AKAP19: variants seen among roughly 807,000 people sequenced by gnomAD.
AKAP19 encodes A-kinase anchoring protein 19.
At chr2:189,998,771 C>CTTTTTTTTTTTT in the AKAP19 span, among the ~76,000 whole-genome samples, 21 of 97,542 alleles carry the variant, frequency 2.2e-4, no homozygotes, top group East Asian at 3.2e-4. Context: ...TTCTTTCTTT[C>CTTTTTTTTTTTT]TTTTTTTTTT....
the AKAP19 span, among the ~76,000 whole-genome samples, chr2:190,111,340 T>C: frequency 1.3e-5 from 2 of 152,174 alleles, no homozygotes; most frequent in Non-Finnish European, 2.9e-5. Context: ...GTCCCAATAC[T>C]GGGACTCAGT....
chr2:190,036,350 A>C, the AKAP19 span, among the ~76,000 whole-genome samples: 1 of 152,224 alleles, frequency 6.6e-6, no homozygotes, highest in African/African-American at 2.4e-5. Flanking sequence ...GTTTAGATTT[A>C]GGAAAGTCAG....
At chr2:190,132,097 C>A in the AKAP19 span, among the ~76,000 whole-genome samples, 2 of 151,694 alleles carry the variant, frequency 1.3e-5, no homozygotes, top group African/African-American at 4.8e-5. Context: ...AGAAATTTAA[C>A]CAAAGAGGTG....
the AKAP19 span, among the ~76,000 whole-genome samples, chr2:190,104,526 C>A: frequency 6.6e-6 from 1 of 152,154 alleles, no homozygotes. Context: ...CACAGTGTGT[C>A]ACATTTGTAA....
At chr2:190,149,786 A>G in the AKAP19 span, among the ~76,000 whole-genome samples, 4 of 152,130 alleles carry the variant, frequency 2.6e-5, no homozygotes, top group African/African-American at 4.8e-5. Flanking sequence ...TAGAATGTAT[A>G]TTCTGCAGTT....
chr2:190,079,938 CTCTT>C, the AKAP19 span: 1 of 152,120 alleles, frequency 6.6e-6, no homozygotes, highest in Admixed American at 6.6e-5. Flanking sequence ...TCTCATCCTT[CTCTT>C]TCTTGTTGTA....
the AKAP19 span, among the ~76,000 whole-genome samples, chr2:189,915,551 A>AT: frequency 6.6e-6 from 1 of 151,890 alleles, no homozygotes; most frequent in Admixed American, 6.6e-5. Context: ...TGTCAATTTG[A>AT]TTTTTTTTCT....
chr2:190,134,169 G>T, the AKAP19 span, among the ~76,000 whole-genome samples: 1 of 152,104 alleles, frequency 6.6e-6, no homozygotes, highest in African/African-American at 2.4e-5. Context: ...TGAAACCCAT[G>T]AGCTAAAAAC....
the AKAP19 span, among the ~76,000 whole-genome samples, chr2:190,051,675 T>C: frequency 2.0e-5 from 3 of 152,318 alleles, no homozygotes; most frequent in South Asian, 6.2e-4. Flanking sequence ...GAATTCTGTC[T>C]GGTGCTGTAA....
the AKAP19 span, among the ~76,000 whole-genome samples, chr2:190,018,612 T>C: frequency 1.3e-5 from 2 of 152,246 alleles, no homozygotes; most frequent in South Asian, 4.1e-4. Context: ...TATTCTGAAC[T>C]CTTTATCAGT....
chr2:189,944,057 T>C, the AKAP19 span, among the ~76,000 whole-genome samples: 4 of 152,278 alleles, frequency 2.6e-5, no homozygotes, highest in South Asian at 2.1e-4. Flanking sequence ...TAGGGGACTA[T>C]TGGGAATGCA....
At chr2:189,903,604 T>C in the AKAP19 span, among the ~76,000 whole-genome samples, 1 of 152,004 alleles carries the variant, frequency 6.6e-6, no homozygotes, top group African/African-American at 2.4e-5. Context: ...TTTGGAAAAA[T>C]GGGATGATAC....
chr2:190,028,309 A>G, the AKAP19 span, among the ~76,000 whole-genome samples: 4 of 152,174 alleles, frequency 2.6e-5, no homozygotes, highest in African/African-American at 7.2e-5. Context: ...TGAATCACAA[A>G]GAAAACTAGC....
At chr2:189,937,393 A>C in the AKAP19 span, among the ~76,000 whole-genome samples, 1 of 152,136 alleles carries the variant, frequency 6.6e-6, no homozygotes, top group Non-Finnish European at 1.5e-5. Context: ...GAGAGATTTT[A>C]TGTTCCAAAA....
the AKAP19 span, among the ~76,000 whole-genome samples, chr2:190,085,884 A>T: frequency 5.9e-5 from 9 of 152,360 alleles, no homozygotes; most frequent in South Asian, 1.7e-3. Flanking sequence ...CACGAAGGCC[A>T]TGGGAAAGGT....
chr2:190,011,424 C>G, the AKAP19 span, among the ~76,000 whole-genome samples: 1 of 152,118 alleles, frequency 6.6e-6, no homozygotes, highest in Non-Finnish European at 1.5e-5. Context: ...TGTGCAGAAG[C>G]TTTTTACATG....
the AKAP19 span, among the ~76,000 whole-genome samples, chr2:190,012,259 G>A: frequency 1.3e-5 from 2 of 151,796 alleles, no homozygotes; most frequent in Non-Finnish European, 2.9e-5. Flanking sequence ...CAAGTAGCTG[G>A]GACCACAGTC....
At chr2:189,935,309 GAT>G in the AKAP19 span, among the ~76,000 whole-genome samples, 1 of 97,276 alleles carries the variant, frequency 1.0e-5, no homozygotes, top group South Asian at 2.9e-4. Context: ...TGTGCAAAAA[GAT>G]ACAAAGTGAA....
chr2:190,063,320 T>C, the AKAP19 span, among the ~76,000 whole-genome samples: 1 of 152,168 alleles, frequency 6.6e-6, no homozygotes. Context: ...ATTGTTATTA[T>C]AACATATTGT....
Sources: gnomAD v4.1 joint callset for allele counts (sites outside exome capture counted in the v4.1 genomes callset) on GRCh38, gnomAD v4.1.1 for gene constraint, MANE v1.5 for transcripts, NCBI Gene and HGNC (gene_info 2026-07-23, HGNC 2026-07-21) for gene names.